The following GRHL3 variants were observed in gnomAD, a reference collection of about 807,000 sequenced individuals.
GRHL3 encodes grainyhead like transcription factor 3, also known as grainyhead-like protein 3 homolog.
GRHL3 carries 20 observed loss-of-function variants against 70.3 expected under a neutral mutation model. That is an observed-to-expected ratio of 0.28 (90% confidence interval 0.20 to 0.41). The LOEUF (loss-of-function observed/expected upper bound fraction) is 0.41. GRHL3 is among the 10% of genes least tolerant of loss of function. GRHL3 has a pLI of 1.00. For missense variants in GRHL3, 637 were observed against 762.3 expected, an observed-to-expected ratio of 0.84 and a Z score of 1.94; for synonymous variants, 299 against 299.9, an observed-to-expected ratio of 1.00 and a Z score of 0.03.
chr1:24,319,594 C>A (rs1280741543), intron 1 of GRHL3, 26 bp downstream of exon 1: 9 of 1,613,602 alleles, frequency 5.6e-6, no homozygotes, highest in Non-Finnish European at 7.6e-6. Flanking sequence ...TGGATACCTG[C>A]CGCTCTCAGA....
At chr1:24,358,110 G>A (rs1490240873), downstream of GRHL3, 2 of 420,272 alleles carry the variant, frequency 4.8e-6, no homozygotes, top group South Asian at 1.7e-5. Context: ...GGGAATGAAT[G>A]AATGTGTAAA....
rs1472303415 is a variant in GRHL3 at position 24,347,516 on chromosome 1, T to A, written c.1592T>A (p.Met531Lys). The A allele has an allele frequency of 6.2e-7, 1 of 1,614,048 alleles. No homozygotes were observed. Among genetic ancestry groups the A allele is most frequent in the Non-Finnish European group, 8.5e-7 (1 of 1,180,014 alleles). ...RETEEVFDALMLKTPDLKGLR... is the reference protein window; with the variant it reads ...RETEEVFDALKLKTPDLKGLR... ...ACTGAGGAGGTGTTTGACGCGCTCA[T>A]GTTGAAGACCCCAGACCTGAAGGGG... Residue 531 changes from methionine (M) to lysine (K), a missense_variant, in exon 14 of 16, where the codon ATG (methionine) becomes AAG (lysine). Transcript: ENST00000361548.
intron 15 of GRHL3, among the ~76,000 whole-genome samples, chr1:24,362,183 C>T (rs1008597683): frequency 6.6e-6 from 1 of 152,240 alleles, no homozygotes; most frequent in Admixed American, 6.5e-5. Flanking sequence ...TGGGGCACTA[C>T]TGCACTTTAG....
chr1:24,323,212 A>G (rs1639269731), intron 1 of GRHL3: 8 of 743,492 alleles, frequency 1.1e-5, no homozygotes, highest in Non-Finnish European at 1.9e-5. Flanking sequence ...ATTTTGAAAG[A>G]GAACACCTAG....
intron 15 of GRHL3, among the ~76,000 whole-genome samples, chr1:24,353,400 G>C (rs1184586013): frequency 6.6e-6 from 1 of 152,020 alleles, no homozygotes; most frequent in Non-Finnish European, 1.5e-5. Context: ...ATGGTGGATG[G>C]GTGGGGGTGT....
chr1:24,352,989 C>T (rs938397787), intron 15 of GRHL3, among the ~76,000 whole-genome samples: 4 of 152,330 alleles, frequency 2.6e-5, no homozygotes, highest in Non-Finnish European at 4.4e-5. Context: ...TCGTGCCTGC[C>T]GCTCCTGCGC....
intron 11 of GRHL3, chr1:24,343,336 G>C (rs1640124916): frequency 3.0e-6 from 1 of 333,918 alleles, no homozygotes; most frequent in Admixed American, 4.0e-5. Flanking sequence ...TCTCACGGCA[G>C]CACTTGTGGT....
Position 24,354,739 on chromosome 1 carries a change from A to C in GRHL3, c.*251A>C. 3 of 393,606 alleles carry C rather than the reference A, an allele frequency of 7.6e-6. No individual in the cohort carries two copies. The highest frequency in any genetic ancestry group is 4.7e-6 in the Non-Finnish European group (1 of 212,308). 24.4% of individuals were successfully genotyped at this position (393,606 alleles called of 1,614,324 possible). On this transcript the variant is annotated 3_prime_UTR_variant, in exon 16 of 16. Coordinates refer to ENST00000361548, the MANE Select transcript of GRHL3 (RefSeq NM_198173.3). ...CTGCCAGTGCCTCCCCGTACCCCAA[A>C]ACAATGTCACCATGGTTACCACCTA...
rs756255609 is a variant in GRHL3 at position 24,337,665 on chromosome 1, A to G, written c.716A>G (p.Lys239Arg). ...TTTGAATACACCCTGGGCTCCCCCA[A>G]AGCCATCCACATCAAGTCAGGCGAG... is the stretch of plus-strand genomic sequence containing the variant. Reference protein sequence around the residue: ...SDFEYTLGSPKAIHIKSGESP... With the variant: ...SDFEYTLGSPRAIHIKSGESP... The change falls in exon 6 of 16, where the codon AAA (lysine) becomes AGA (arginine). Residue 239 changes from lysine to arginine, a missense_variant. Around this residue, in one of 2 missense-constraint regions of GRHL3, gnomAD observed 387 missense variants for 513.8 expected, o/e 0.75. Transcript: ENST00000361548. The G allele has an allele frequency of 9.3e-6, 15 of 1,613,986 alleles. No homozygotes were observed. Among genetic ancestry groups the G allele is most frequent in the Non-Finnish European group, 1.3e-5 (15 of 1,180,028 alleles).
downstream of GRHL3, chr1:24,357,893 C>T: frequency 3.1e-6 from 1 of 321,176 alleles, no homozygotes; most frequent in Middle Eastern, 5.5e-4. Context: ...CCGGGCCCGG[C>T]CACTGCCATT....
intron 1 of GRHL3, 65 bp from the exon 2 acceptor site, chr1:24,331,361 C>A (rs960211975): frequency 2.8e-6 from 4 of 1,434,340 alleles, no homozygotes; most frequent in Admixed American, 2.0e-5. Context: ...CGTTGGCCTG[C>A]GGCTGCCCAT....
Position 24,342,889 on chromosome 1 carries a change from C to T in GRHL3, c.1286-3C>T. 1 of 1,614,196 alleles carries T rather than the reference C, an allele frequency of 6.2e-7. No homozygotes were observed. The highest frequency in any genetic ancestry group is 8.5e-7 in the Non-Finnish European group (1 of 1,180,026). ...GGGCACATTGGCTTCCTTCTCCCAT[C>T]AGGCGTCAAGGGCTGCCTGCTGTCG... On this transcript the variant is annotated splice_polypyrimidine_tract_variant and splice_region_variant and intron_variant, in intron 10 of 15. Coordinates refer to ENST00000361548, the MANE Select transcript of GRHL3 (RefSeq NM_198173.3). The surrounding 1 kb of genome is among the most constrained non-coding windows in gnomAD (Gnocchi z 4.8).
chr1:24,358,389 G>T (rs767190497), downstream of GRHL3: 2 of 736,140 alleles, frequency 2.7e-6, no homozygotes, highest in Non-Finnish European at 5.0e-6. Flanking sequence ...GGCAATGGCA[G>T]CAGTCCGGCT....
Position 24,342,596 on chromosome 1 carries a change from C to T in GRHL3, c.1207-98C>T, listed in dbSNP as rs1278933262. On this transcript the variant is annotated intron_variant, in intron 9 of 15. Transcript: ENST00000361548. The surrounding 1 kb of genome is among the most constrained non-coding windows in gnomAD (Gnocchi z 4.8). ...GGTCTTGTTCTGGAAAAAAGAAGGA[C>T]CAGAAGCTTGGCCCATATTTAAGAT... is the stretch of plus-strand genomic sequence containing the variant. The T allele has an allele frequency of 2.8e-5, 32 of 1,136,948 alleles. No individual in the cohort carries two copies. Among genetic ancestry groups the T allele is most frequent in the Non-Finnish European group, 4.0e-5 (30 of 753,160 alleles). 70.4% of individuals were successfully genotyped at this position (1,136,948 alleles called of 1,614,324 possible).
At chr1:24,361,325 A>G (rs1416561116) in intron 15 of GRHL3, among the ~76,000 whole-genome samples, 1 of 152,210 alleles carries the variant, frequency 6.6e-6, no homozygotes, top group African/African-American at 2.4e-5. Context: ...CCTGGCACAC[A>G]GTGAGAGCTC....
chr1:24,333,870 T>C (rs959307281), intron 2 of GRHL3, among the ~76,000 whole-genome samples: 1 of 152,212 alleles, frequency 6.6e-6, no homozygotes, highest in Admixed American at 6.5e-5. Flanking sequence ...GCCTAGCCCA[T>C]ATGAAGTACT....
downstream of GRHL3, among the ~76,000 whole-genome samples, chr1:24,359,433 T>C (rs112425146): frequency 1.3e-5 from 2 of 152,344 alleles, no homozygotes; most frequent in African/African-American, 4.8e-5. This position sits in a 1 kb window ranked among gnomAD's most constrained non-coding sequence, Gnocchi z 5.3. Flanking sequence ...ATGTTTGCAA[T>C]GCTGAGTTCT....
At position 24,360,765 on chromosome 1, in the gene GRHL3, A is replaced by G. The variant is rs1202273124; in HGVS notation, c.1695-3420A>G. The G allele has an allele frequency of 3.2e-6, 4 of 1,258,196 alleles. No individual in the cohort carries two copies. In the East Asian group the frequency reaches 9.4e-5, roughly 30 times the overall value. The allele number at this position is 1,258,196 out of a possible 1,614,324, so 77.9% of individuals were successfully genotyped here. On this transcript the variant is annotated intron_variant, in intron 15 of 15. Transcript: ENST00000350501. ...CTGTAACCTATTTGGGAAACAACCT[A>G]TAAATCAATGGCATTTGATGACCCA...
chr1:24,355,996 G>C (rs1640704628), downstream of GRHL3, among the ~76,000 whole-genome samples: 1 of 151,590 alleles, frequency 6.6e-6, no homozygotes, highest in African/African-American at 2.4e-5. Context: ...CGCCTCCCGG[G>C]TTCAAGCGAT....
Sources: gnomAD v4.1 joint callset for allele counts (sites outside exome capture counted in the v4.1 genomes callset) on GRCh38, gnomAD v4.1.1 for gene constraint, gnomAD v4.1.1 regional missense constraint, Gnocchi (gnomAD v3.1) non-coding constraint, MANE v1.5 for transcripts, NCBI Gene and HGNC (gene_info 2026-07-23, HGNC 2026-07-21) for gene names.